Variants in NR3C1 observed in about 807,000 individuals in gnomAD.
NR3C1 encodes nuclear receptor subfamily 3 group C member 1, also known as glucocorticoid receptor.
A neutral mutation model predicts 74.0 loss-of-function variants in NR3C1; 14 were observed. That is an observed-to-expected ratio of 0.19 (90% CI 0.12 to 0.30). The LOEUF (loss-of-function observed/expected upper bound fraction) is 0.30, where lower values mean the gene tolerates loss of function less well. Ranked by LOEUF, NR3C1 falls within the 10% of genes least tolerant of loss-of-function variation. The pLI is 1.00. For synonymous variants in NR3C1, 308 were observed against 332.5 expected, an observed-to-expected ratio of 0.93 and a Z score of 0.80; for missense variants, 695 against 909.8, an observed-to-expected ratio of 0.76 and a Z score of 3.04.
At chr5:143,295,245 A>G (rs1816918836) in intron 7 of NR3C1, 10 of 985,212 alleles carry the variant, frequency 1.0e-5, no homozygotes, top group Middle Eastern at 5.2e-4. Flanking sequence ...TGCAGCTCAT[A>G]TACCTCTCTG....
chr5:143,320,142 C>T (rs551203002), intron 2 of NR3C1, among the ~76,000 whole-genome samples: 1 of 152,346 alleles, frequency 6.6e-6, no homozygotes, highest in Admixed American at 6.5e-5. Flanking sequence ...TTTATCTCTG[C>T]ATTAGCTAAA....
At chr5:143,291,130 T>C (rs1365845113) in intron 7 of NR3C1, among the ~76,000 whole-genome samples, 3 of 152,214 alleles carry the variant, frequency 2.0e-5, no homozygotes, top group African/African-American at 7.2e-5. Flanking sequence ...AAATTGTTAC[T>C]GTTGTTATTT....
rs72481841 is a variant in NR3C1, at chr5:143,310,260, A to G, written c.1352-47T>C. 3.1e-5 allele frequency: 40 copies of G among 1,301,498 alleles called. No individual in the cohort carries two copies. In the African/African-American group the frequency reaches 3.3e-4, roughly 11 times the overall value. 80.6% of individuals were successfully genotyped at this position (1,301,498 alleles called of 1,614,324 possible). ...ATTAAAGTTTCACAGGTCTTCAAACATATTTTATAAGGACAGCCTCTGTCT... is the reference window on the plus strand; with the variant it reads ...ATTAAAGTTTCACAGGTCTTCAAACGTATTTTATAAGGACAGCCTCTGTCT... On this transcript the variant is annotated intron_variant, in intron 3 of 8. Coordinates refer to ENST00000394464, the MANE Select transcript of NR3C1 (RefSeq NM_000176.3).
At chr5:143,427,391 A>C (rs922608692) in intron 1 of NR3C1, among the ~76,000 whole-genome samples, 2 of 152,124 alleles carry the variant, frequency 1.3e-5, no homozygotes, top group African/African-American at 4.8e-5. Context: ...CTGAGAGGTT[A>C]ATTATGAAAT....
rs1840779159 is a variant in NR3C1 at position 143,403,628 on chromosome 5, A to G, written c.-431T>C. 1.0e-6 allele frequency: 1 copy of G among 986,110 alleles called. No individual in the cohort carries two copies. The highest frequency in any genetic ancestry group is 4.7e-5 in the South Asian group (1 of 21,304). 61.1% of individuals were successfully genotyped at this position (986,110 alleles called of 1,614,324 possible). ...GGAGGGAAGAGAGCGCGGACACGCG[A>G]AAGGGCAGCCCGGCCTGGGCGAGCG... On this transcript the variant is annotated 5_prime_UTR_variant, in exon 1 of 9. Coordinates refer to ENST00000394464, the MANE Select transcript of NR3C1 (RefSeq NM_000176.3).
intron 2 of NR3C1, among the ~76,000 whole-genome samples, chr5:143,319,415 A>G (rs996634241): frequency 6.6e-6 from 1 of 152,206 alleles, no homozygotes. Flanking sequence ...GAAAAAAAAC[A>G]AAGATATTAT....
intron 2 of NR3C1, among the ~76,000 whole-genome samples, chr5:143,379,481 G>A (rs1244010174): frequency 6.6e-6 from 1 of 152,126 alleles, no homozygotes; most frequent in African/African-American, 2.4e-5. Flanking sequence ...GGATATCACA[G>A]AAGGATCAGA....
intron 2 of NR3C1, among the ~76,000 whole-genome samples, chr5:143,320,038 T>C (rs946410924): frequency 1.3e-5 from 2 of 152,226 alleles, no homozygotes; most frequent in African/African-American, 2.4e-5. Context: ...TTTTTACACA[T>C]TAAAGTCACC....
chr5:143,402,695 T>G lies in NR3C1; in HGVS notation c.-14+516A>C. The G allele has an allele frequency of 5.1e-6, 5 of 985,268 alleles. 1 individual carries two copies. In the South Asian group the frequency reaches 2.3e-4, roughly 46 times the overall value. 61.0% of individuals were successfully genotyped at this position (985,268 alleles called of 1,614,324 possible). ...TTGCGGGCTGTCAGCCCCCCGCGTG[T>G]GCACCCTCACGCGCCCCGCACGCCC... is the stretch of plus-strand genomic sequence containing the variant. On this transcript the variant is annotated intron_variant, in intron 1 of 8. Coordinates refer to ENST00000394464, the MANE Select transcript of NR3C1 (RefSeq NM_000176.3).
intron 2 of NR3C1, among the ~76,000 whole-genome samples, chr5:143,334,537 C>T (rs1201001683): frequency 1.3e-5 from 2 of 151,896 alleles, no homozygotes; most frequent in East Asian, 3.9e-4. Context: ...TTGCATGTAT[C>T]CTAGGGTTTA....
At chr5:143,389,922 A>G (rs1837935019) in intron 2 of NR3C1, 1 of 979,438 alleles carries the variant, frequency 1.0e-6, no homozygotes, top group Non-Finnish European at 1.2e-6. Flanking sequence ...TTAGCTCTGA[A>G]AACTTATAAA....
intron 2 of NR3C1, among the ~76,000 whole-genome samples, chr5:143,325,966 A>G (rs1488999764): frequency 6.6e-6 from 1 of 152,238 alleles, no homozygotes; most frequent in African/African-American, 2.4e-5. Flanking sequence ...GTGAAACAAA[A>G]TATCTCTTTC....
chr5:143,335,603 C>T (rs1826975914), intron 2 of NR3C1, among the ~76,000 whole-genome samples: 1 of 152,194 alleles, frequency 6.6e-6, no homozygotes, highest in Non-Finnish European at 1.5e-5. Context: ...AAAACTGCAT[C>T]TATTTATTTT....
chr5:143,282,777 CTTTTTTTTTTTTTTTT>C (rs1813415260), intron 7 of NR3C1, 52 bp from the exon 8 acceptor site: 1 of 1,325,984 alleles, frequency 7.5e-7, no homozygotes, highest in East Asian at 2.7e-5. Flanking sequence ...CTTTTCTTTT[CTTTTTTTTTTTTTTTT>C]GAGATAGATA....
intron 2 of NR3C1, among the ~76,000 whole-genome samples, chr5:143,361,495 T>A (rs1832226554): frequency 6.6e-6 from 1 of 152,206 alleles, no homozygotes; most frequent in South Asian, 2.1e-4. Flanking sequence ...AGAAATAAGA[T>A]GTGTAATGCA....
intron 2 of NR3C1, among the ~76,000 whole-genome samples, chr5:143,321,942 A>G (rs201527366): frequency 6.6e-6 from 1 of 152,192 alleles, no homozygotes; most frequent in South Asian, 2.1e-4. Flanking sequence ...GGGTCTCTCC[A>G]TATCGCCAGC....
chr5:143,373,518 G>A (rs112793003), intron 2 of NR3C1, among the ~76,000 whole-genome samples: 20 of 152,106 alleles, frequency 1.3e-4, no homozygotes, highest in Non-Finnish European at 1.8e-4. Flanking sequence ...TGTAAATGAC[G>A]AGTTGATGGG....
rs1436143194 is a variant in NR3C1 at position 143,403,357 on chromosome 5, C to A, written c.-160G>T. The stretch of plus-strand genomic sequence containing the variant: ...GGAAGTAAACAGCCGCCCCTTTCTC[C>A]ATGGGTGGGGGGAGAGCCCCTATTT... On this transcript the variant is annotated 5_prime_UTR_variant, in exon 1 of 9. The change abolishes an upstream ATG in the 5' untranslated region. Transcript: ENST00000394464. 1.0e-5 allele frequency: 10 copies of A among 985,354 alleles called. No individual in the cohort carries two copies. The Admixed American group carries it at 3.1e-4, about 30-fold the overall frequency. 61.0% of individuals were successfully genotyped at this position (985,354 alleles called of 1,614,324 possible).
In NR3C1 at chr5:143,400,666, C is replaced by A. The variant is rs752462910; in HGVS notation, c.174G>T (p.Gln58His). 2 of 1,613,916 alleles carry A rather than the reference C, an allele frequency of 1.2e-6. No homozygotes were observed. The part of the protein sequence containing the change: ...LAVASQSDSK[Q>H]RRLLVDFPKG... Reference sequence around the variant, plus strand: ...TTGGAAAATCAACCAAAAGTCTTCGCTGCTTGGAGTCTGATTGAGAAGCGA... The same window carrying A: ...TTGGAAAATCAACCAAAAGTCTTCGATGCTTGGAGTCTGATTGAGAAGCGA... Residue 58 changes from glutamine (Q) to histidine (H), a missense_variant, in exon 2 of 9, where the codon CAG becomes CAT. By Grantham distance (24) the Gln-to-His change is conservative. Transcript: ENST00000394464.
Sources: allele counts gnomAD v4.1 joint callset (sites outside exome capture counted in the v4.1 genomes callset), GRCh38; gene constraint gnomAD v4.1.1; transcripts MANE v1.5; gene names NCBI Gene and HGNC (gene_info 2026-07-23, HGNC 2026-07-21).